Variants in KDM1A observed in about 807,000 individuals in gnomAD.
The protein encoded by KDM1A is lysine demethylase 1A.
A neutral mutation model predicts 109.4 loss-of-function variants in KDM1A; 49 were observed. That is an observed-to-expected ratio of 0.45 (90% CI 0.36 to 0.57). The LOEUF (loss-of-function observed/expected upper bound fraction) is 0.57, where lower values mean the gene tolerates loss of function less well. KDM1A is among the 20% of genes least tolerant of loss of function. The pLI, the probability that KDM1A is intolerant of heterozygous loss-of-function variation, is 0.00. For synonymous variants in KDM1A, 380 were observed against 415.4 expected, an observed-to-expected ratio of 0.91 and a Z score of 1.04; for missense variants, 668 against 1,116.6, an observed-to-expected ratio of 0.60 and a Z score of 5.73.
At chr1:23,048,548 T>A (rs1370551173) in intron 3 of KDM1A, among the ~76,000 whole-genome samples, 1 of 152,222 alleles carries the variant, frequency 6.6e-6, no homozygotes, top group East Asian at 1.9e-4. Flanking sequence ...GTTTATGTCC[T>A]CATTATCTAC....
At chr1:23,069,005 T>C (rs1288130855) in intron 11 of KDM1A, 56 bp from the exon 12 acceptor site, 6 of 1,184,440 alleles carry the variant, frequency 5.1e-6, no homozygotes, top group Non-Finnish European at 6.1e-6. Context: ...GATGGGCACC[T>C]GTCTTATTCT....
At chr1:23,081,256 G>A (rs1182969241) in intron 18 of KDM1A, 190 bp from the exon 19 acceptor site, 6 of 590,506 alleles carry the variant, frequency 1.0e-5, no homozygotes, top group Non-Finnish European at 1.1e-5. Flanking sequence ...AGCTCCTACT[G>A]GCTGGTGTCT....
intron 1 of KDM1A, among the ~76,000 whole-genome samples, chr1:23,025,445 C>T (rs1427542380): frequency 6.6e-6 from 1 of 151,702 alleles, no homozygotes; most frequent in Admixed American, 6.6e-5. Flanking sequence ...ATTCTTCTGC[C>T]TCAGCCCTCA....
At chr1:23,065,341 A>G (rs912275948) in intron 9 of KDM1A, among the ~76,000 whole-genome samples, 1 of 152,224 alleles carries the variant, frequency 6.6e-6, no homozygotes, top group Non-Finnish European at 1.5e-5. Context: ...GAATATTTCT[A>G]ACTAGCTTGT....
At chr1:23,070,462 C>G (rs1485284380) in intron 12 of KDM1A, among the ~76,000 whole-genome samples, 1 of 150,602 alleles carries the variant, frequency 6.6e-6, no homozygotes, top group African/African-American at 2.4e-5. Flanking sequence ...CAGAACAAGA[C>G]TGTGTCTCTT....
At chr1:23,047,544 C>T (rs532731443) in intron 3 of KDM1A, among the ~76,000 whole-genome samples, 26 of 152,254 alleles carry the variant, frequency 1.7e-4, no homozygotes, top group Admixed American at 7.8e-4. Context: ...AATAACATTT[C>T]TTAATCATTA....
intron 5 of KDM1A, among the ~76,000 whole-genome samples, chr1:23,054,815 A>C (rs1642777941): frequency 6.6e-6 from 1 of 151,990 alleles, no homozygotes; most frequent in Admixed American, 6.6e-5. Context: ...TTATAGAGAC[A>C]GGGTCTTGCT....
At chr1:23,044,981 A>G (rs1642461382) in intron 3 of KDM1A, among the ~76,000 whole-genome samples, 1 of 152,218 alleles carries the variant, frequency 6.6e-6, no homozygotes, top group Admixed American at 6.5e-5. Context: ...AGTTAACATT[A>G]CGTAGTTAAT....
rs1347822236 is a variant in KDM1A, at chr1:23,082,207, GT to G, written c.2299-8del. On this transcript the variant is annotated splice_polypyrimidine_tract_variant and intron_variant, in intron 19 of 20. Transcript: ENST00000400181. ...TGTCTCGTAATGACTTTTGCTCCTG[GT>G]TTTTCTTTTAGCCCAAAGAAACTGT... The G allele has an allele frequency of 6.2e-7, 1 of 1,611,608 alleles. No individual in the cohort carries two copies. Among genetic ancestry groups the G allele is most frequent in the East Asian group, 2.2e-5 (1 of 44,846 alleles).
At chr1:23,063,398 T>C (rs1643074498) in intron 9 of KDM1A, among the ~76,000 whole-genome samples, 2 of 152,162 alleles carry the variant, frequency 1.3e-5, no homozygotes. Context: ...CAAACACCGT[T>C]AACTATAGGT....
chr1:23,075,158 CAGTGAT>C (rs1444187626), intron 15 of KDM1A, among the ~76,000 whole-genome samples: 2 of 152,170 alleles, frequency 1.3e-5, no homozygotes, highest in Non-Finnish European at 2.9e-5. Flanking sequence ...TCGTTTATGT[CAGTGAT>C]GTTTTATAGT....
intron 9 of KDM1A, among the ~76,000 whole-genome samples, chr1:23,063,416 G>A (rs1350765799): frequency 3.3e-5 from 5 of 152,082 alleles, no homozygotes; most frequent in Non-Finnish European, 7.4e-5. Flanking sequence ...GGTGTATTAG[G>A]TATCTATCGT....
chr1:23,083,467 T>C lies in KDM1A; in HGVS notation c.*103T>C. ...CCCACTGAGAAAATCCACCCTGGCA[T>C]CTGGGCTCCTGATCAGCTGATGGAG... On this transcript the variant is annotated 3_prime_UTR_variant, in exon 21 of 21. Coordinates refer to ENST00000400181, the MANE Select transcript of KDM1A (RefSeq NM_001009999.3). 1 of 1,168,254 alleles carries C rather than the reference T, an allele frequency of 8.6e-7. No individual in the cohort carries two copies. The highest frequency in any genetic ancestry group is 1.2e-6 in the Non-Finnish European group (1 of 855,344). The allele number at this position is 1,168,254 out of a possible 1,614,324, so 72.4% of individuals were successfully genotyped here. A position where few individuals can be genotyped will look rare whatever the true frequency, so the allele number is the denominator to read the frequency against.
intron 15 of KDM1A, among the ~76,000 whole-genome samples, chr1:23,074,851 C>T (rs1643418212): frequency 6.6e-6 from 1 of 152,214 alleles, no homozygotes; most frequent in Non-Finnish European, 1.5e-5. Context: ...GGCATGTAAG[C>T]ATGAGTATTT....
At chr1:23,046,567 C>G (rs544485230) in intron 3 of KDM1A, among the ~76,000 whole-genome samples, 13 of 152,256 alleles carry the variant, frequency 8.5e-5, no homozygotes, top group African/African-American at 3.1e-4. Context: ...CTACCTATAT[C>G]TTACACGAAT....
At chr1:23,055,590 A>G (rs1327689029) in intron 6 of KDM1A, among the ~76,000 whole-genome samples, 7 of 152,226 alleles carry the variant, frequency 4.6e-5, no homozygotes, top group African/African-American at 1.7e-4. Context: ...GAAATAGCTT[A>G]TATGCAGAAT....
chr1:23,069,918 C>T (rs1212308863), intron 12 of KDM1A, among the ~76,000 whole-genome samples: 1 of 151,598 alleles, frequency 6.6e-6, no homozygotes, highest in Non-Finnish European at 1.5e-5. Context: ...TGGAGGGGGC[C>T]TTTATAGTGC....
intron 6 of KDM1A, among the ~76,000 whole-genome samples, chr1:23,055,579 G>A (rs1642807890): frequency 6.6e-6 from 1 of 152,056 alleles, no homozygotes; most frequent in African/African-American, 2.4e-5. Flanking sequence ...AGAGGTTAAG[G>A]GAAATAGCTT....
intron 3 of KDM1A, among the ~76,000 whole-genome samples, chr1:23,046,372 T>C (rs1031311656): frequency 3.9e-5 from 6 of 152,188 alleles, no homozygotes; most frequent in Non-Finnish European, 7.4e-5. Flanking sequence ...ATATGATACA[T>C]CTCTAGTTTT....
Sources: allele counts gnomAD v4.1 joint callset (sites outside exome capture counted in the v4.1 genomes callset), GRCh38; gene constraint gnomAD v4.1.1; transcripts MANE v1.5; gene names NCBI Gene and HGNC (gene_info 2026-07-23, HGNC 2026-07-21).